Variants in UNC13C observed in about 807,000 individuals in gnomAD.
The protein encoded by UNC13C is unc-13 homolog C.
In UNC13C, 174 loss-of-function variants were observed where a neutral mutation model predicts 245.4. That is an observed-to-expected ratio of 0.71 (90% CI 0.63 to 0.80). The LOEUF (loss-of-function observed/expected upper bound fraction) is 0.80, where lower values mean the gene tolerates loss of function less well. Ranked by LOEUF, UNC13C falls within the 30% of genes least tolerant of loss-of-function variation. The probability of loss-of-function intolerance (pLI) is 0.00; values close to 1 mark genes in which losing one functional copy is unlikely to be tolerated. For synonymous variants in UNC13C, 992 were observed against 895.1 expected (o/e 1.11, Z -1.93); for missense variants, 2,829 against 2,602.9 (o/e 1.09, Z -1.89).
At chr15:54,590,881 G>A (rs903284723) in intron 30 of UNC13C, among the ~76,000 whole-genome samples, 1 of 152,110 alleles carries the variant, frequency 6.6e-6, no homozygotes, top group African/African-American at 2.4e-5. Flanking sequence ...AGTTCTCAGA[G>A]GGAATACTTT....
intron 12 of UNC13C, among the ~76,000 whole-genome samples, chr15:54,299,603 C>A (rs763757064): frequency 2.0e-5 from 3 of 151,988 alleles, no homozygotes; most frequent in Non-Finnish European, 4.4e-5. Context: ...TCTGTGTAGA[C>A]CCACCCAACT....
At chr15:54,116,707 T>C (rs1302844014) in intron 2 of UNC13C, among the ~76,000 whole-genome samples, 1 of 152,224 alleles carries the variant, frequency 6.6e-6, no homozygotes, top group African/African-American at 2.4e-5. Context: ...ATTCCACATG[T>C]TGGCTATTGT....
intron 4 of UNC13C, among the ~76,000 whole-genome samples, chr15:54,228,994 G>A (rs998987776): frequency 2.0e-5 from 3 of 152,178 alleles, no homozygotes; most frequent in Admixed American, 1.3e-4. Context: ...CCTTTTAGTG[G>A]TGAGGCTTGT....
chr15:54,311,911 C>G (rs1435841884), intron 13 of UNC13C, among the ~76,000 whole-genome samples: 1 of 151,518 alleles, frequency 6.6e-6, no homozygotes, highest in African/African-American at 2.4e-5. Context: ...TTTAGTCAAA[C>G]AAGAATAAAA....
intron 1 of UNC13C, among the ~76,000 whole-genome samples, chr15:53,989,467 G>T (rs549003508): frequency 6.6e-6 from 1 of 151,704 alleles, no homozygotes; most frequent in Admixed American, 6.6e-5. Context: ...CAGGGCAGTG[G>T]CCTTAATTAA....
At chr15:53,925,737 A>G in the UNC13C span, among the ~76,000 whole-genome samples, 2 of 152,190 alleles carry the variant, frequency 1.3e-5, no homozygotes, top group Non-Finnish European at 2.9e-5. Context: ...TAAACACCAG[A>G]CTATTATTTA....
At chr15:54,099,726 G>A (rs890082717) in intron 2 of UNC13C, among the ~76,000 whole-genome samples, 1 of 152,036 alleles carries the variant, frequency 6.6e-6, no homozygotes, top group African/African-American at 2.4e-5. Flanking sequence ...AATTTAGAGT[G>A]CAACCCATCC....
chr15:53,892,339 G>C, the UNC13C span, among the ~76,000 whole-genome samples: 1 of 152,138 alleles, frequency 6.6e-6, no homozygotes, highest in Non-Finnish European at 1.5e-5. Context: ...TGGTGAATCT[G>C]ATGATTGTGT....
At chr15:54,005,044 CA>C (rs1185412171) in intron 1 of UNC13C, among the ~76,000 whole-genome samples, 3 of 152,064 alleles carry the variant, frequency 2.0e-5, no homozygotes, top group Non-Finnish European at 2.9e-5. Flanking sequence ...TTGCTCTGGT[CA>C]CCTGTGTTTC....
At chr15:53,918,349 T>G in the UNC13C span, among the ~76,000 whole-genome samples, 7 of 138,622 alleles carry the variant, frequency 5.0e-5, no homozygotes, top group Admixed American at 4.4e-4. Context: ...GTTTATTTCC[T>G]ACTCAGATTT....
intron 29 of UNC13C, among the ~76,000 whole-genome samples, chr15:54,557,065 C>T (rs1022322744): frequency 6.6e-6 from 1 of 152,004 alleles, no homozygotes; most frequent in Non-Finnish European, 1.5e-5. Context: ...ATCCTATCTT[C>T]CTGTTTATAT....
At chr15:54,304,821 A>G (rs1596183795) in intron 13 of UNC13C, among the ~76,000 whole-genome samples, 1 of 152,066 alleles carries the variant, frequency 6.6e-6, no homozygotes, top group African/African-American at 2.4e-5. Context: ...ATCAATCCTA[A>G]GGAAATTACT....
intron 8 of UNC13C, among the ~76,000 whole-genome samples, chr15:54,257,589 C>T (rs187129111): frequency 6.6e-6 from 1 of 152,194 alleles, no homozygotes; most frequent in African/African-American, 2.4e-5. Flanking sequence ...GTGGTAGTTC[C>T]TTGGGGAGTG....
chr15:54,366,122 C>A (rs1385939114), intron 17 of UNC13C, among the ~76,000 whole-genome samples: 1 of 152,132 alleles, frequency 6.6e-6, no homozygotes, highest in Non-Finnish European at 1.5e-5. Context: ...ATTACAGCAT[C>A]TCTCTGTTAG....
chr15:54,014,235 C>A lies in UNC13C; in HGVS notation c.1332C>A (p.Asn444Lys), dbSNP rs765892861. The A allele has an allele frequency of 6.8e-6, 11 of 1,613,698 alleles. No individual in the cohort carries two copies. In the East Asian group the frequency reaches 8.9e-5, roughly 13 times the overall value. The stretch of plus-strand genomic sequence containing the variant: ...CTCCAGAGCCAAAAATCAAGAAGAA[C>A]AATTGGCAGTCACCTGATGACAGTG... ...LSTPEPKIKKNNWQSPDDSDE... is the reference protein window; with the variant it reads ...LSTPEPKIKKKNWQSPDDSDE... Residue 444 changes from asparagine to lysine, a missense_variant, in exon 2 of 33, where the codon AAC becomes AAA. Asn to Lys is a moderately conservative substitution (Grantham distance 94). Coordinates refer to ENST00000260323, the MANE Select transcript of UNC13C (RefSeq NM_001080534.3).
intron 30 of UNC13C, among the ~76,000 whole-genome samples, chr15:54,589,870 A>G (rs9672681): frequency 0.46 from 69,266 of 151,870 alleles, 16,811 homozygotes; most frequent in East Asian, 0.68. Context: ...ATGAAATCCT[A>G]TATATAGGAG....
At chr15:54,458,696 T>TC (rs1470840683) in intron 19 of UNC13C, among the ~76,000 whole-genome samples, 7 of 146,856 alleles carry the variant, frequency 4.8e-5, no homozygotes, top group African/African-American at 1.7e-4. Flanking sequence ...TTTTTTTTTT[T>TC]TTTTTTTAAG....
chr15:54,047,238 T>C (rs928492465), intron 2 of UNC13C, among the ~76,000 whole-genome samples: 1 of 152,042 alleles, frequency 6.6e-6, no homozygotes. Context: ...TTTAGGTACA[T>C]TTTTAAAATT....
Position 54,265,318 on chromosome 15 carries a change from C to T in UNC13C, c.3677-37C>T, listed in dbSNP as rs754331833. 2.9e-6 allele frequency: 4 copies of T among 1,374,038 alleles called. No homozygotes were observed. The Admixed American group carries it at 1.2e-4, about 42-fold the overall frequency. The allele number at this position is 1,374,038 out of a possible 1,614,324, so 85.1% of individuals were successfully genotyped here. Reference sequence around the variant, plus strand: ...TATTATTATTTTTTGTTTCTGAGGACTCTGTATGTTAAAATGTTTATTTTG... The same window carrying T: ...TATTATTATTTTTTGTTTCTGAGGATTCTGTATGTTAAAATGTTTATTTTG... On this transcript the variant is annotated intron_variant, in intron 9 of 32. Coordinates refer to ENST00000260323, the MANE Select transcript of UNC13C (RefSeq NM_001080534.3).
Sources: allele counts gnomAD v4.1 joint callset (sites outside exome capture counted in the v4.1 genomes callset), GRCh38; gene constraint gnomAD v4.1.1; transcripts MANE v1.5; gene names NCBI Gene and HGNC (gene_info 2026-07-23, HGNC 2026-07-21).